The following CADM2 variants were observed in gnomAD, a reference collection of about 807,000 sequenced individuals.
CADM2 encodes immunoglobulin superfamily member 4D.
CADM2 carries 12 observed loss-of-function variants against 49.8 expected under a neutral mutation model. The observed-to-expected ratio is 0.24, with a 90% confidence interval of 0.15 to 0.39. CADM2 has a LOEUF of 0.39. CADM2 is among the 10% of genes least tolerant of loss of function. CADM2 has a pLI of 1.00. For missense variants in CADM2, 378 were observed against 492.3 expected, an observed-to-expected ratio of 0.77 and a Z score of 2.20; for synonymous variants, 214 against 175.4, an observed-to-expected ratio of 1.22 and a Z score of -1.74.
In CADM2 at chr3:86,033,227, G is replaced by C. The variant is rs113470894; in HGVS notation, c.971-32378G>C. Among the ~76,000 whole-genome samples the C allele has an allele frequency of 2.9e-3, 445 of 152,012 alleles. 6 individuals are homozygous for C. The highest frequency in any genetic ancestry group is 9.9e-3 in the African/African-American group (412 of 41,520). On this transcript the variant is annotated intron_variant, in intron 8 of 9. Coordinates refer to ENST00000383699, the MANE Select transcript of CADM2 (RefSeq NM_001167675.2). ...ATCACAGTCACCAAAGACATCTGTGGTTCTAAATTTCATGGTCTTTATCTT... is the reference window on the plus strand; with the variant it reads ...ATCACAGTCACCAAAGACATCTGTGCTTCTAAATTTCATGGTCTTTATCTT...
intron 1 of CADM2, among the ~76,000 whole-genome samples, chr3:85,666,251 C>A (rs1386736900): frequency 2.0e-5 from 3 of 151,948 alleles, no homozygotes; most frequent in Non-Finnish European, 4.4e-5. Flanking sequence ...AGGACACAAA[C>A]AAATATCAAT....
intron 8 of CADM2, among the ~76,000 whole-genome samples, chr3:85,988,955 T>C (rs561188506): frequency 2.3e-4 from 35 of 152,318 alleles, no homozygotes; most frequent in African/African-American, 4.3e-4. Flanking sequence ...TTCAAAAACA[T>C]TTAAACCAAT....
intron 1 of CADM2, among the ~76,000 whole-genome samples, chr3:85,391,672 A>C (rs1469266962): frequency 6.6e-6 from 1 of 152,132 alleles, no homozygotes; most frequent in Non-Finnish European, 1.5e-5. Flanking sequence ...CCAAGCAAGC[A>C]GTACCAGCAG....
intron 1 of CADM2, among the ~76,000 whole-genome samples, chr3:85,345,908 C>A (rs1210419556): frequency 2.0e-5 from 3 of 152,126 alleles, no homozygotes; most frequent in Non-Finnish European, 4.4e-5. Context: ...GTAACTTAAT[C>A]TCCAATTGTT....
At chr3:85,081,799 C>A (rs1384856139) in intron 1 of CADM2, among the ~76,000 whole-genome samples, 1 of 152,218 alleles carries the variant, frequency 6.6e-6, no homozygotes, top group East Asian at 1.9e-4. Flanking sequence ...GAGTAAATAC[C>A]ATTGTCTGTA....
chr3:86,065,720 A>G lies in CADM2; in HGVS notation c.1086A>G (p.Ala362=), dbSNP rs779594963. 2 of 1,613,684 alleles carry G rather than the reference A, an allele frequency of 1.2e-6. No homozygotes were observed. Among genetic ancestry groups the G allele is most frequent in the Non-Finnish European group, 1.7e-6 (2 of 1,179,860 alleles). Reference sequence around the variant, plus strand: ...TCTTTCTGCTTGGTCGATATCTGGCAAGGCATAAAGGTACGTTATATTTAG... The same window carrying G: ...TCTTTCTGCTTGGTCGATATCTGGCGAGGCATAAAGGTACGTTATATTTAG... ...CSIFLLGRYL[A]RHKGTYLTNE... is the part of the protein sequence containing the mutation. Residue 362 remains alanine, a synonymous_variant, in exon 9 of 10, where the codon GCA becomes GCG. Transcript: ENST00000383699.
chr3:85,519,384 A>G (rs1350353946), intron 1 of CADM2, among the ~76,000 whole-genome samples: 2 of 152,092 alleles, frequency 1.3e-5, no homozygotes, highest in African/African-American at 4.8e-5. Context: ...GTAAAATCAT[A>G]TTGGATTTTA....
At chr3:85,412,240 T>C (rs2035687917) in intron 1 of CADM2, among the ~76,000 whole-genome samples, 1 of 152,192 alleles carries the variant, frequency 6.6e-6, no homozygotes, top group Non-Finnish European at 1.5e-5. Context: ...TGAATCTCAA[T>C]TTACTTACCT....
At position 85,240,199 on chromosome 3, in the gene CADM2, T is replaced by C. The variant is rs954237073; in HGVS notation, c.61+280531T>C. On this transcript the variant is annotated intron_variant, in intron 1 of 9. Transcript: ENST00000383699. ...GTTGCTTTATTTGTTTATATTGTTATAATAAAAGTAGATGGATGGGAAATA... is the reference window on the plus strand; with the variant it reads ...GTTGCTTTATTTGTTTATATTGTTACAATAAAAGTAGATGGATGGGAAATA... Among the ~76,000 whole-genome samples the C allele has an allele frequency of 4.6e-5, 7 of 151,648 alleles. No individual in the cohort carries two copies. In the South Asian group the frequency reaches 1.5e-3, roughly 31 times the overall value.
chr3:85,945,421 C>T (rs561230435), intron 7 of CADM2, among the ~76,000 whole-genome samples: 12 of 152,046 alleles, frequency 7.9e-5, no homozygotes, highest in Admixed American at 4.6e-4. Context: ...CTCCCCAACT[C>T]GTTTTATGAG....
At chr3:85,304,435 C>A (rs1267164864) in intron 1 of CADM2, among the ~76,000 whole-genome samples, 3 of 151,582 alleles carry the variant, frequency 2.0e-5, no homozygotes, top group Non-Finnish European at 4.4e-5. Flanking sequence ...ATTAAATGAC[C>A]TTTAAAACAC....
intron 1 of CADM2, among the ~76,000 whole-genome samples, chr3:85,295,716 GA>G (rs2043942704): frequency 6.6e-6 from 1 of 151,544 alleles, no homozygotes; most frequent in Non-Finnish European, 1.5e-5. Context: ...TCACAGGTGG[GA>G]ATTGAACAAT....
intron 1 of CADM2, among the ~76,000 whole-genome samples, chr3:85,216,448 A>G (rs914847319): frequency 9.9e-5 from 15 of 151,004 alleles, no homozygotes; most frequent in Non-Finnish European, 1.5e-4. Context: ...ACTCATGCAT[A>G]ATTTGAGAAC....
At chr3:85,994,052 G>A (rs1239352495) in intron 8 of CADM2, 1 of 152,168 alleles carries the variant, frequency 6.6e-6, no homozygotes, top group African/African-American at 2.4e-5. Flanking sequence ...GTCAGGCACT[G>A]GCTTCTATTC....
chr3:85,669,253 C>T (rs1345329307), intron 1 of CADM2, among the ~76,000 whole-genome samples: 1 of 152,026 alleles, frequency 6.6e-6, no homozygotes, highest in African/African-American at 2.4e-5. Flanking sequence ...GTTCTGCAGC[C>T]ATTATTTGCA....
chr3:85,953,394 C>A (rs1723677332), intron 7 of CADM2, among the ~76,000 whole-genome samples: 1 of 150,926 alleles, frequency 6.6e-6, no homozygotes, highest in Non-Finnish European at 1.5e-5. Flanking sequence ...TCTTTCCTGA[C>A]ATTCCCAATA....
chr3:85,292,093 G>GTCCTCC (rs2043815811), intron 1 of CADM2, among the ~76,000 whole-genome samples: 1 of 149,152 alleles, frequency 6.7e-6, no homozygotes, highest in Non-Finnish European at 1.5e-5. Flanking sequence ...GATGGAGGAA[G>GTCCTCC]ATCTACCAAG....
intron 6 of CADM2, among the ~76,000 whole-genome samples, chr3:85,924,074 A>G (rs1719504426): frequency 6.6e-6 from 1 of 152,240 alleles, no homozygotes; most frequent in Non-Finnish European, 1.5e-5. Flanking sequence ...TAGTGTCACC[A>G]AAATTTCATA....
chr3:85,383,772 C>G (rs1001070917), intron 1 of CADM2, among the ~76,000 whole-genome samples: 37 of 151,436 alleles, frequency 2.4e-4, no homozygotes, highest in African/African-American at 8.7e-4. Flanking sequence ...ATACATTCTT[C>G]AATACTCACT....
Sources: gnomAD v4.1 joint callset for allele counts (sites outside exome capture counted in the v4.1 genomes callset) on GRCh38, gnomAD v4.1.1 for gene constraint, MANE v1.5 for transcripts, NCBI Gene and HGNC (gene_info 2026-07-23, HGNC 2026-07-21) for gene names.